The following TBC1D5 variants were observed in gnomAD, a reference collection of about 807,000 sequenced individuals.
The protein encoded by TBC1D5 is TBC1 domain family member 5, also known as TBC1 domain family, member 5.
A neutral mutation model predicts 100.3 loss-of-function variants in TBC1D5; 75 were observed. That is an observed-to-expected ratio of 0.75 (90% CI 0.62 to 0.91). TBC1D5 has a LOEUF of 0.91. Among genes scored for constraint, TBC1D5 ranks in the 40% least tolerant of loss-of-function variants. The pLI is 0.00. For synonymous variants in TBC1D5, 323 were observed against 325.6 expected (o/e 0.99, Z 0.09); for missense variants, 910 against 942.4 (o/e 0.97, Z 0.45).
intron 13 of TBC1D5, among the ~76,000 whole-genome samples, chr3:17,369,389 T>A (rs1338934373): frequency 6.6e-6 from 1 of 152,096 alleles, no homozygotes; most frequent in East Asian, 1.9e-4. Context: ...ACATACTGAG[T>A]ACTACTTTTT....
intron 18 of TBC1D5, among the ~76,000 whole-genome samples, chr3:17,196,362 T>C (rs953715500): frequency 6.6e-6 from 1 of 152,176 alleles, no homozygotes; most frequent in African/African-American, 2.4e-5. Flanking sequence ...AGGGACTCTA[T>C]TTTGTGGCTA....
intron 1 of TBC1D5, among the ~76,000 whole-genome samples, chr3:17,729,538 T>A (rs760731137): frequency 6.6e-6 from 1 of 151,796 alleles, no homozygotes; most frequent in African/African-American, 2.4e-5. Flanking sequence ...AAACCCCATC[T>A]CAACTAAAGA....
At chr3:17,486,025 G>A (rs200240517) in intron 3 of TBC1D5, among the ~76,000 whole-genome samples, 11,145 of 150,206 alleles carry the variant, frequency 0.074, 882 homozygotes, top group African/African-American at 0.2. Context: ...CTTTTTAATG[G>A]TCGCCATTCT....
At chr3:17,544,186 T>C (rs1434448968) in intron 2 of TBC1D5, among the ~76,000 whole-genome samples, 1 of 152,098 alleles carries the variant, frequency 6.6e-6, no homozygotes, top group East Asian at 1.9e-4. Context: ...CTGCTTTTCT[T>C]AAAATTCCCC....
intron 1 of TBC1D5, among the ~76,000 whole-genome samples, chr3:17,716,857 TGA>T (rs1354905215): frequency 6.6e-6 from 1 of 151,934 alleles, no homozygotes; most frequent in Non-Finnish European, 1.5e-5. Flanking sequence ...TTTATTAATC[TGA>T]GTGTTTGTTC....
intron 13 of TBC1D5, among the ~76,000 whole-genome samples, chr3:17,308,972 C>A (rs1296348323): frequency 6.6e-6 from 1 of 152,006 alleles, no homozygotes; most frequent in African/African-American, 2.4e-5. Flanking sequence ...TCATTTACCT[C>A]TAATTTTACA....
chr3:17,700,696 A>C (rs559440273), intron 1 of TBC1D5, among the ~76,000 whole-genome samples: 1 of 152,196 alleles, frequency 6.6e-6, no homozygotes, highest in Non-Finnish European at 1.5e-5. Context: ...TCTCAAAAGA[A>C]GACATCTACG....
chr3:17,203,144 G>A (rs2071689520), intron 18 of TBC1D5, among the ~76,000 whole-genome samples: 1 of 152,224 alleles, frequency 6.6e-6, no homozygotes, highest in Non-Finnish European at 1.5e-5. Context: ...GGCCTTGGAA[G>A]CCCACCCCTT....
chr3:17,218,993 C>T (rs2073974994), intron 17 of TBC1D5, among the ~76,000 whole-genome samples: 1 of 151,706 alleles, frequency 6.6e-6, no homozygotes, highest in African/African-American at 2.4e-5. Flanking sequence ...ACTATTCCAT[C>T]TGCCCCTCTC....
At chr3:17,376,716 C>G in intron 9 of TBC1D5, 103 bp from the exon 10 acceptor site, 1 of 844,132 alleles carries the variant, frequency 1.2e-6, no homozygotes, top group Non-Finnish European at 1.7e-6. Context: ...TTCCCACTAG[C>G]AAAATTTCCA....
intron 18 of TBC1D5, 131 bp downstream of exon 19, chr3:17,214,076 T>C: frequency 1.2e-6 from 1 of 863,172 alleles, no homozygotes; most frequent in Non-Finnish European, 1.6e-6. Context: ...ATACTTTTGA[T>C]AAAATAATTC....
intron 16 of TBC1D5, among the ~76,000 whole-genome samples, chr3:17,246,720 T>C (rs1184260229): frequency 6.6e-6 from 1 of 152,202 alleles, no homozygotes; most frequent in Non-Finnish European, 1.5e-5. Context: ...TTTACCTCAT[T>C]TTACACACAA....
At chr3:17,436,650 T>C (rs774294497) in intron 3 of TBC1D5, among the ~76,000 whole-genome samples, 19 of 152,162 alleles carry the variant, frequency 1.2e-4, no homozygotes, top group Non-Finnish European at 2.8e-4. Flanking sequence ...CAGGATATAG[T>C]AAATTTAAAT....
chr3:17,351,393 G>A (rs1444412637), intron 13 of TBC1D5, among the ~76,000 whole-genome samples: 1 of 152,144 alleles, frequency 6.6e-6, no homozygotes, highest in Non-Finnish European at 1.5e-5. Context: ...GGAATACTAT[G>A]CAGCCATAAA....
At chr3:17,574,678 T>C (rs151326590) in intron 2 of TBC1D5, among the ~76,000 whole-genome samples, 8 of 152,202 alleles carry the variant, frequency 5.3e-5, no homozygotes, top group Non-Finnish European at 1.2e-4. Flanking sequence ...CAGCCATCTA[T>C]CTCCGCAAGT....
At chr3:17,359,700 A>G (rs888740061) in intron 13 of TBC1D5, among the ~76,000 whole-genome samples, 6 of 152,078 alleles carry the variant, frequency 3.9e-5, no homozygotes, top group African/African-American at 1.4e-4. Flanking sequence ...AATCACTAGT[A>G]TAAGTGATAC....
intron 2 of TBC1D5, among the ~76,000 whole-genome samples, chr3:17,605,736 C>T (rs1344481603): frequency 6.6e-6 from 1 of 152,064 alleles, no homozygotes; most frequent in Non-Finnish European, 1.5e-5. Context: ...TATATATTAA[C>T]ATGCTCAATT....
intron 1 of TBC1D5, among the ~76,000 whole-genome samples, chr3:17,643,289 G>GT (rs2064705347): frequency 1.3e-5 from 2 of 152,174 alleles, no homozygotes; most frequent in South Asian, 4.1e-4. Flanking sequence ...CCTCTTTGGT[G>GT]TATCGTATTA....
At chr3:17,734,403 A>C (rs1407638285) in intron 1 of TBC1D5, among the ~76,000 whole-genome samples, 1 of 152,240 alleles carries the variant, frequency 6.6e-6, no homozygotes, top group African/African-American at 2.4e-5. Context: ...TATTGAGGAA[A>C]TTGGCTAATC....
Sources: allele counts gnomAD v4.1 joint callset (sites outside exome capture counted in the v4.1 genomes callset), GRCh38; gene constraint gnomAD v4.1.1; transcripts MANE v1.5; gene names NCBI Gene and HGNC (gene_info 2026-07-23, HGNC 2026-07-21).